The following PEAK1 variants were observed in gnomAD, a reference collection of about 807,000 sequenced individuals.
PEAK1 encodes inactive tyrosine-protein kinase PEAK1.
Under a neutral mutation model 124.7 loss-of-function variants are expected in PEAK1, and 54 were observed. That is an observed-to-expected ratio of 0.43 (90% CI 0.35 to 0.54). PEAK1 has a LOEUF of 0.54. PEAK1 is among the 20% of genes least tolerant of loss of function. PEAK1 has a pLI of 0.01. For synonymous variants in PEAK1, 719 were observed against 760.0 expected, an observed-to-expected ratio of 0.95 and a Z score of 0.89; for missense variants, 2,046 against 2,134.5, an observed-to-expected ratio of 0.96 and a Z score of 0.82.
At chr15:77,150,861 C>T (rs1237848493) in intron 8 of PEAK1, among the ~76,000 whole-genome samples, 1 of 152,116 alleles carries the variant, frequency 6.6e-6, no homozygotes, top group African/African-American at 2.4e-5. Flanking sequence ...TTTATGGCTG[C>T]ATAGTATTCC....
At position 77,109,127 on chromosome 15, in the gene PEAK1, T is replaced by C. The variant is rs527392069; in HGVS notation, c.*5029A>G. 6.6e-6 allele frequency: 1 copy of C among 152,182 alleles called. No individual in the cohort carries two copies. The highest frequency in any genetic ancestry group is 2.4e-5 in the African/African-American group (1 of 41,432). The allele number at this position is 152,182 out of a possible 1,614,324, so 9.4% of individuals were successfully genotyped here. ...AAAACAATTACAATTTGTTAAGAAA[T>C]TTCCCAAGAGTTCTTTAAACAAACC... On this transcript the variant is annotated 3_prime_UTR_variant, in exon 10 of 10. Transcript: ENST00000682557.
At chr15:77,229,986 T>C (rs575051381) in intron 6 of PEAK1, among the ~76,000 whole-genome samples, 2 of 152,222 alleles carry the variant, frequency 1.3e-5, no homozygotes, top group African/African-American at 4.8e-5. Context: ...ACAAATATTA[T>C]TTTGTGATTA....
At chr15:77,135,479 G>A (rs968785239) in intron 8 of PEAK1, among the ~76,000 whole-genome samples, 1 of 152,158 alleles carries the variant, frequency 6.6e-6, no homozygotes, top group Non-Finnish European at 1.5e-5. Context: ...AGGCCATATG[G>A]TATAGCCCAC....
chr15:77,370,314 G>A (rs2068551931), intron 1 of PEAK1, among the ~76,000 whole-genome samples: 1 of 152,124 alleles, frequency 6.6e-6, no homozygotes, highest in African/African-American at 2.4e-5. Flanking sequence ...AGGAAACAGA[G>A]CTCAGGTACA....
chr15:77,313,464 T>C (rs929066208), intron 2 of PEAK1, among the ~76,000 whole-genome samples: 6 of 151,890 alleles, frequency 4.0e-5, no homozygotes, highest in Admixed American at 1.3e-4. Flanking sequence ...TTTTATTTTA[T>C]TTATTTATTT....
intron 5 of PEAK1, among the ~76,000 whole-genome samples, chr15:77,260,681 C>T (rs1336256580): frequency 1.3e-5 from 2 of 152,096 alleles, no homozygotes; most frequent in Non-Finnish European, 2.9e-5. Flanking sequence ...GCCAAGATGG[C>T]CGAATAGGAA....
intron 1 of PEAK1, chr15:77,402,445 T>A: frequency 7.1e-6 from 7 of 985,164 alleles, no homozygotes; most frequent in Non-Finnish European, 7.2e-6. Context: ...TCAATGTCAC[T>A]GCATATCTTT....
chr15:77,164,397 G>A (rs151204594), intron 7 of PEAK1, among the ~76,000 whole-genome samples: 1 of 152,340 alleles, frequency 6.6e-6, no homozygotes, highest in Non-Finnish European at 1.5e-5. Context: ...TGTGAATGAA[G>A]TAGCTAGGTC....
chr15:77,286,393 T>C, intron 3 of PEAK1, 30 bp downstream of exon 3: 2 of 1,082,746 alleles, frequency 1.8e-6, no homozygotes, highest in Non-Finnish European at 2.3e-6. Flanking sequence ...AGAATAAACA[T>C]GTTACATTAT....
intron 2 of PEAK1, chr15:77,333,725 A>G: frequency 1.0e-6 from 1 of 966,636 alleles, no homozygotes; most frequent in Non-Finnish European, 1.2e-6. Context: ...TGGCTTCACT[A>G]TCATACATTA....
intron 1 of PEAK1, chr15:77,418,422 C>T (rs1028386370): frequency 2.9e-5 from 29 of 985,250 alleles, no homozygotes; most frequent in Non-Finnish European, 3.5e-5. Flanking sequence ...TCCCCCCCGA[C>T]AGCAATGAAA....
chr15:77,173,991 T>C (rs1318664595), intron 7 of PEAK1, among the ~76,000 whole-genome samples: 1 of 152,268 alleles, frequency 6.6e-6, no homozygotes. Flanking sequence ...ATATGTTTTC[T>C]AATGAAATTT....
intron 6 of PEAK1, among the ~76,000 whole-genome samples, chr15:77,208,138 AG>A (rs1437448471): frequency 6.6e-6 from 1 of 152,168 alleles, no homozygotes; most frequent in Non-Finnish European, 1.5e-5. Flanking sequence ...TACTATATAC[AG>A]TGCTTCAGGT....
intron 2 of PEAK1, among the ~76,000 whole-genome samples, chr15:77,322,599 T>C (rs1190188102): frequency 6.6e-6 from 1 of 152,170 alleles, no homozygotes; most frequent in African/African-American, 2.4e-5. Flanking sequence ...AATCTCTGAA[T>C]AGACCAATAA....
At chr15:77,200,572 C>T (rs921615272) in intron 6 of PEAK1, among the ~76,000 whole-genome samples, 4 of 152,172 alleles carry the variant, frequency 2.6e-5, no homozygotes, top group Non-Finnish European at 5.9e-5. Context: ...AAGCACTCTA[C>T]TGAAAACCAC....
chr15:77,268,306 C>G (rs557939046), intron 5 of PEAK1, among the ~76,000 whole-genome samples: 2 of 152,116 alleles, frequency 1.3e-5, no homozygotes, highest in Non-Finnish European at 2.9e-5. Flanking sequence ...GAAACCCCAT[C>G]TCTCCTAAAA....
chr15:77,260,114 C>G (rs140716585), intron 5 of PEAK1, among the ~76,000 whole-genome samples: 1 of 152,010 alleles, frequency 6.6e-6, no homozygotes, highest in African/African-American at 2.4e-5. Flanking sequence ...AGCTCCCTTC[C>G]GCAAGAAGAG....
At chr15:77,418,852 A>C (rs2073107119) in intron 1 of PEAK1, 1 of 985,442 alleles carries the variant, frequency 1.0e-6, no homozygotes. Context: ...GCTGTGGCTG[A>C]ACAAAAATCA....
intron 2 of PEAK1, chr15:77,333,544 C>G: frequency 1.1e-6 from 1 of 871,860 alleles, no homozygotes; most frequent in Non-Finnish European, 1.4e-6. Context: ...TATTTACACA[C>G]ACACATTTCC....
Sources: gnomAD v4.1 joint callset for allele counts (sites outside exome capture counted in the v4.1 genomes callset) on GRCh38, gnomAD v4.1.1 for gene constraint, MANE v1.5 for transcripts, NCBI Gene and HGNC (gene_info 2026-07-23, HGNC 2026-07-21) for gene names.